NOTCH2NLC: variants seen among roughly 807,000 people sequenced by gnomAD.
The protein encoded by NOTCH2NLC is notch 2 N-terminal like C, also known as notch homolog 2 N-terminal-like protein C.
In NOTCH2NLC, 4 loss-of-function variants were observed where a neutral mutation model predicts 17.7. The ratio of observed to expected loss-of-function variants is 0.23; its 90% CI spans 0.11 to 0.52. NOTCH2NLC has a LOEUF of 0.52. NOTCH2NLC is among the 20% of genes least tolerant of loss of function. The pLI is 0.96. For missense variants in NOTCH2NLC, 57 were observed against 207.2 expected, an observed-to-expected ratio of 0.28 and a Z score of 4.45; for synonymous variants, 18 against 86.0, an observed-to-expected ratio of 0.21 and a Z score of 4.38.
At position 149,417,097 on chromosome 1, in the gene NOTCH2NLC, CTTTTTTTTTTT is replaced by C. The variant is rs1171555647; in HGVS notation, c.136-13825_136-13815del. On this transcript the variant is annotated intron_variant, in intron 1 of 4. Transcript: ENST00000650865. Reference sequence around the variant, plus strand: ...AGATTATGGTGGATATCAGGTTTTCCTTTTTTTTTTTTTTTTTTTTTTTTTTTTTTGAGACA... The same window carrying C: ...AGATTATGGTGGATATCAGGTTTTCCTTTTTTTTTTTTTTTTTTTGAGACA... Among the ~76,000 whole-genome samples the C allele has an allele frequency of 3.4e-3, 235 of 69,576 alleles. 1 individual carries two copies. The highest frequency in any genetic ancestry group is 9.1e-3 in the African/African-American group (184 of 20,326). 45.6% of individuals were successfully genotyped at this position (69,576 alleles called of 152,430 possible).
intron 3 of NOTCH2NLC, among the ~76,000 whole-genome samples, chr1:149,462,786 A>G (rs2084657268): frequency 6.7e-6 from 1 of 148,956 alleles, no homozygotes; most frequent in Non-Finnish European, 1.5e-5. Context: ...GGAACTTTAG[A>G]GTTGCCAAGA....
At chr1:149,462,155 GA>G (rs1212284909) in intron 3 of NOTCH2NLC, among the ~76,000 whole-genome samples, 5 of 149,520 alleles carry the variant, frequency 3.3e-5, no homozygotes, top group Admixed American at 1.3e-4. Flanking sequence ...ATAATTCAAG[GA>G]GTTCTCATCT....
At chr1:149,416,793 G>GT (rs1470589245) in intron 1 of NOTCH2NLC, among the ~76,000 whole-genome samples, 1 of 148,252 alleles carries the variant, frequency 6.7e-6, no homozygotes, top group African/African-American at 2.5e-5. Context: ...GAGTTGGCAA[G>GT]TTTTCAAAAG....
In NOTCH2NLC at chr1:149,464,892, T is replaced by C. The variant is rs2084676059; in HGVS notation, c.*739T>C. On this transcript the variant is annotated 3_prime_UTR_variant, in exon 5 of 5. Transcript: ENST00000650865. ...TGGTATTGTGGATATGGTTCACATA[T>C]AATGGGATTGTGTGTTTTATTTTGG... The C allele has an allele frequency of 6.7e-6, 1 of 149,438 alleles. No homozygotes were observed. The highest frequency in any genetic ancestry group is 6.7e-5 in the Admixed American group (1 of 14,920). 9.3% of individuals were successfully genotyped at this position (149,438 alleles called of 1,614,324 possible). A position where few individuals can be genotyped will look rare whatever the true frequency, so the allele number is the denominator to read the frequency against.
chr1:149,457,542 TTATATA>T (rs1370739763), intron 3 of NOTCH2NLC, among the ~76,000 whole-genome samples: 1 of 145,284 alleles, frequency 6.9e-6, no homozygotes, highest in African/African-American at 2.5e-5. Flanking sequence ...TTGGCAATCT[TTATATA>T]TATATAAAGG....
intron 1 of NOTCH2NLC, among the ~76,000 whole-genome samples, chr1:149,423,416 A>G (rs1173976011): frequency 2.0e-5 from 3 of 151,452 alleles, no homozygotes; most frequent in Non-Finnish European, 4.4e-5. Flanking sequence ...TACAAAATTT[A>G]GAGAAAGTTT....
chr1:149,416,524 T>A lies in NOTCH2NLC; in HGVS notation c.136-14418T>A, dbSNP rs1457102349. Reference sequence around the variant, plus strand: ...TATGGGTACTTGGATAAAATGATGATGGGTTACCTACTTTTAATAGGGCCG... The same window carrying A: ...TATGGGTACTTGGATAAAATGATGAAGGGTTACCTACTTTTAATAGGGCCG... On this transcript the variant is annotated intron_variant, in intron 1 of 4. Coordinates refer to ENST00000650865, the MANE Select transcript of NOTCH2NLC (RefSeq NM_001364013.2). 9.0e-5 allele frequency among the ~76,000 whole-genome samples: 8 copies of A among 88,980 alleles called. No individual in the cohort carries two copies. The East Asian group carries it at 2.5e-3, about 28-fold the overall frequency. The allele number at this position is 88,980 out of a possible 152,430, so 58.4% of individuals were successfully genotyped here.
At chr1:149,402,369 G>A (rs1366703053) in intron 1 of NOTCH2NLC, among the ~76,000 whole-genome samples, 11 of 150,064 alleles carry the variant, frequency 7.3e-5, no homozygotes, top group Admixed American at 2.7e-4. Flanking sequence ...GTGAGCCACC[G>A]TGCCTGGTCC....
chr1:149,419,285 C>G (rs1283773362), intron 1 of NOTCH2NLC, among the ~76,000 whole-genome samples: 1 of 150,818 alleles, frequency 6.6e-6, no homozygotes, highest in Non-Finnish European at 1.5e-5. Context: ...CAAAGAAAGC[C>G]TTTATCAAGA....
chr1:149,444,836 GT>G (rs1157975941), intron 2 of NOTCH2NLC, among the ~76,000 whole-genome samples: 1 of 142,240 alleles, frequency 7.0e-6, no homozygotes, highest in Non-Finnish European at 1.6e-5. Context: ...TAGAAAGTGT[GT>G]TTTACCACAA....
chr1:149,471,770 T>C lies in NOTCH2NLC; in HGVS notation c.*7617T>C, dbSNP rs1361898455. 6.8e-6 allele frequency among the ~76,000 whole-genome samples: 1 copy of C among 148,116 alleles called. No individual in the cohort carries two copies. Among genetic ancestry groups the C allele is most frequent in the African/African-American group, 2.5e-5 (1 of 40,086 alleles). On this transcript the variant is annotated 3_prime_UTR_variant, in exon 5 of 5. Coordinates refer to ENST00000650865, the MANE Select transcript of NOTCH2NLC (RefSeq NM_001364013.2). ...ATATATGCTTAAAAATGGTGATTTT[T>C]GTGATATATGAATTATACTATGGAA...
At chr1:149,393,512 G>C (rs1406688682) in intron 1 of NOTCH2NLC, among the ~76,000 whole-genome samples, 8 of 148,560 alleles carry the variant, frequency 5.4e-5, no homozygotes, top group African/African-American at 1.5e-4. Flanking sequence ...ACATCACGGA[G>C]TTTCTAAGGC....
At chr1:149,424,865 C>G (rs1393116835) in intron 1 of NOTCH2NLC, among the ~76,000 whole-genome samples, 2 of 151,062 alleles carry the variant, frequency 1.3e-5, no homozygotes, top group Non-Finnish European at 3.0e-5. Context: ...ATGTCAGTCT[C>G]TTTCAAACAA....
At chr1:149,417,242 T>G (rs1415035908) in intron 1 of NOTCH2NLC, among the ~76,000 whole-genome samples, 2 of 149,238 alleles carry the variant, frequency 1.3e-5, no homozygotes, top group African/African-American at 4.9e-5. Flanking sequence ...CCCAAGTAGC[T>G]GGGATTACAG....
rs1236297004 is a variant in NOTCH2NLC at position 149,463,024 on chromosome 1, CAG to C, written c.470-466_470-465del. Among the ~76,000 whole-genome samples the C allele has an allele frequency of 1.1e-4, 16 of 147,706 alleles. 1 individual carries two copies. The highest frequency in any genetic ancestry group is 7.4e-5 in the African/African-American group (3 of 40,400). On this transcript the variant is annotated intron_variant, in intron 3 of 4. Coordinates refer to ENST00000650865, the MANE Select transcript of NOTCH2NLC (RefSeq NM_001364013.2). ...CTAATTTTTGTATTTTTAGTAGAGACAGGGTTTCACCATATTGGCCGGGCTGG... is the reference window on the plus strand; with the variant it reads ...CTAATTTTTGTATTTTTAGTAGAGACGGTTTCACCATATTGGCCGGGCTGG...
intron 1 of NOTCH2NLC, among the ~76,000 whole-genome samples, chr1:149,414,706 G>A (rs1215192513): frequency 6.6e-6 from 1 of 150,878 alleles, no homozygotes; most frequent in Non-Finnish European, 1.5e-5. Context: ...GTGCCCCAGT[G>A]GATGGTCTTA....
chr1:149,463,231 G>A (rs1190935470), intron 3 of NOTCH2NLC, among the ~76,000 whole-genome samples: 9 of 149,482 alleles, frequency 6.0e-5, no homozygotes, highest in African/African-American at 2.2e-4. Context: ...CTGCAGGATT[G>A]GGCTTCAATG....
At position 149,470,787 on chromosome 1, in the gene NOTCH2NLC, AAC is replaced by A. The variant is rs1298964077; in HGVS notation, c.*6636_*6637del. 2.6e-5 allele frequency among the ~76,000 whole-genome samples: 3 copies of A among 117,444 alleles called. No individual in the cohort carries two copies. Among genetic ancestry groups the A allele is most frequent in the African/African-American group, 9.3e-5 (3 of 32,168 alleles). 77.0% of individuals were successfully genotyped at this position (117,444 alleles called of 152,430 possible). A position where few individuals can be genotyped will look rare whatever the true frequency, so the allele number is the denominator to read the frequency against. ...GAGTATTATCAATAATTCTGTTATG[AAC>A]ATTCTTGTATAATTTTTTGGTAGAC... On this transcript the variant is annotated 3_prime_UTR_variant, in exon 5 of 5. Transcript: ENST00000650865.
intron 1 of NOTCH2NLC, among the ~76,000 whole-genome samples, chr1:149,429,393 A>T (rs1426339520): frequency 6.7e-6 from 1 of 149,742 alleles, no homozygotes; most frequent in Non-Finnish European, 1.5e-5. Context: ...CTCTGGATTC[A>T]AATTCTAGCT....
Sources: allele counts gnomAD v4.1 joint callset (sites outside exome capture counted in the v4.1 genomes callset), GRCh38; gene constraint gnomAD v4.1.1; transcripts MANE v1.5; gene names NCBI Gene and HGNC (gene_info 2026-07-23, HGNC 2026-07-21).